Variants in WDR91 observed in about 807,000 individuals in gnomAD.
WDR91 encodes the protein WD repeat-containing protein 91.
Under a neutral mutation model 88.4 loss-of-function variants are expected in WDR91, and 52 were observed. The ratio of observed to expected loss-of-function variants is 0.59; its 90% CI spans 0.47 to 0.74. The LOEUF is 0.74. WDR91 is among the 30% of genes least tolerant of loss of function. The pLI is 0.00. For missense variants in WDR91, 824 were observed against 954.5 expected (o/e 0.86, Z 1.80); for synonymous variants, 362 against 389.5 (o/e 0.93, Z 0.83).
In WDR91 at chr7:135,194,920, C is replaced by T. The variant is rs747391985; in HGVS notation, c.1395+14G>A. 4 of 1,613,518 alleles carry T rather than the reference C, an allele frequency of 2.5e-6. No individual in the cohort carries two copies. The highest frequency in any genetic ancestry group is 1.8e-4 in the Middle Eastern group (1 of 5,702). ...GAGCCAGCAAAGCGGGCCCCACAGG[C>T]CACCATTACTCACCAGTCTGTCCCG... On this transcript the variant is annotated intron_variant, in intron 9 of 14. Transcript: ENST00000354475.
At chr7:135,203,137 A>C (rs1197271755) in intron 6 of WDR91, among the ~76,000 whole-genome samples, 1 of 152,238 alleles carries the variant, frequency 6.6e-6, no homozygotes, top group South Asian at 2.1e-4. Context: ...ACGAGGAGCC[A>C]GAGCTGAAAG....
intron 1 of WDR91, among the ~76,000 whole-genome samples, chr7:135,210,332 AGAGT>A (rs1425714272): frequency 1.3e-5 from 2 of 152,168 alleles, no homozygotes; most frequent in African/African-American, 4.8e-5. Context: ...CCTAAGCGAC[AGAGT>A]GAGACTTTCT....
chr7:135,210,771 T>C, intron 1 of WDR91: 1 of 703,652 alleles, frequency 1.4e-6, no homozygotes, highest in East Asian at 2.7e-5. Context: ...GTTAGCTCAC[T>C]GCCTCTCATT....
rs1831380595 is a variant in WDR91, at chr7:135,196,517, C to A, written c.1051-180G>T. Among the ~76,000 whole-genome samples, 1 of 152,152 alleles carries A rather than the reference C, an allele frequency of 6.6e-6. No individual in the cohort carries two copies. Among genetic ancestry groups the A allele is most frequent in the Non-Finnish European group, 1.5e-5 (1 of 68,024 alleles). On this transcript the variant is annotated intron_variant, in intron 7 of 14. Transcript: ENST00000354475. The surrounding 1 kb of genome is among the most constrained non-coding windows in gnomAD (Gnocchi z 4.2). ...CAGCTCACCCTGGGAGAGTGCAGGG[C>A]CTGCCCTCCTGACAGCCCCTTCCTG... is the stretch of plus-strand genomic sequence containing the variant.
Position 135,195,038 on chromosome 7 carries a change from C to A in WDR91, c.1291G>T (p.Val431Phe). The A allele has an allele frequency of 6.2e-7, 1 of 1,614,088 alleles. No homozygotes were observed. Among genetic ancestry groups the A allele is most frequent in the Non-Finnish European group, 8.5e-7 (1 of 1,180,026 alleles). The change falls in exon 9 of 15, where the codon GTC becomes TTC. Residue 431 changes from valine (V) to phenylalanine (F), a missense_variant. Val to Phe is a conservative substitution (Grantham distance 50). Coordinates refer to ENST00000354475, the MANE Select transcript of WDR91 (RefSeq NM_014149.4). ...GGGTTGAAGGACCACACTTTGATGA[C>A]CCCATCTACGTCTAAGCTGGCGACT... ...RRVASLDVDGVIKVWSFNPIM... is the reference protein window; with the variant it reads ...RRVASLDVDGFIKVWSFNPIM...
At chr7:135,188,646 C>G in intron 12 of WDR91, 101 bp from the exon 13 acceptor site, 1 of 1,079,210 alleles carries the variant, frequency 9.3e-7, no homozygotes, top group Non-Finnish European at 1.4e-6. Flanking sequence ...AGGCTGACAG[C>G]TGTTCTGGAA....
intron 7 of WDR91, chr7:135,197,188 G>A (rs533946334): frequency 6.6e-6 from 1 of 152,368 alleles, no homozygotes; most frequent in East Asian, 1.9e-4. Context: ...CAGACATTAT[G>A]GGGCTCTGGG....
At chr7:135,188,319 A>G in intron 13 of WDR91, 114 bp downstream of exon 13, 1 of 786,260 alleles carries the variant, frequency 1.3e-6, no homozygotes, top group Non-Finnish European at 2.2e-6. Context: ...TACAGATAAC[A>G]AAGCTGCAAA....
At position 135,196,141 on chromosome 7, in the gene WDR91, C is replaced by T. The variant is rs967572209; in HGVS notation, c.1244+3G>A. ...GGTTTCCTTGGCCCCAGGCCCAACCCACCTGCAGTGCATGATGGATGAGTG... is the reference window on the plus strand; with the variant it reads ...GGTTTCCTTGGCCCCAGGCCCAACCTACCTGCAGTGCATGATGGATGAGTG... On this transcript the variant is annotated splice_donor_region_variant and intron_variant, in intron 8 of 14. Coordinates refer to ENST00000354475, the MANE Select transcript of WDR91 (RefSeq NM_014149.4). The surrounding 1 kb of genome is among the most constrained non-coding windows in gnomAD (Gnocchi z 4.2). 1 of 1,519,580 alleles carries T rather than the reference C, an allele frequency of 6.6e-7. No individual in the cohort carries two copies. Among genetic ancestry groups the T allele is most frequent in the African/African-American group, 1.4e-5 (1 of 71,392 alleles). The allele number at this position is 1,519,580 out of a possible 1,614,324, so 94.1% of individuals were successfully genotyped here. A position where few individuals can be genotyped will look rare whatever the true frequency, so the allele number is the denominator to read the frequency against.
rs1585448575 is a variant in WDR91 at position 135,211,452 on chromosome 7, G to A, written c.51C>T (p.Leu17=). The A allele has an allele frequency of 6.2e-7, 1 of 1,612,400 alleles. No homozygotes were observed. ...GCAGTGTGTGCGTGAACCCGCGGAAGAGCAGGTACTCCCGGACCAGCTCGT... is the reference window on the plus strand; with the variant it reads ...GCAGTGTGTGCGTGAACCCGCGGAAAAGCAGGTACTCCCGGACCAGCTCGT... ...RTDELVREYL[L]FRGFTHTLRQ... The change falls in exon 1 of 15, where the codon CTC becomes CTT. Residue 17 remains leucine (L), a synonymous_variant. Transcript: ENST00000354475.
chr7:135,195,359 C>T (rs1831323209), intron 8 of WDR91, among the ~76,000 whole-genome samples: 1 of 152,226 alleles, frequency 6.6e-6, no homozygotes, highest in Non-Finnish European at 1.5e-5. Context: ...GCCCTGAGGC[C>T]ATTTGCAGTC....
intron 6 of WDR91, among the ~76,000 whole-genome samples, chr7:135,202,981 C>T (rs2117694500): frequency 6.6e-6 from 1 of 152,360 alleles, no homozygotes; most frequent in East Asian, 1.9e-4. Context: ...AATACAACTT[C>T]TACTACCAAC....
chr7:135,207,838 A>T (rs1200382064), intron 3 of WDR91, among the ~76,000 whole-genome samples: 1 of 152,358 alleles, frequency 6.6e-6, no homozygotes, highest in East Asian at 1.9e-4. Context: ...ACTAGAGCCC[A>T]TATGTGTGTA....
chr7:135,193,635 T>C lies in WDR91; in HGVS notation c.1433A>G (p.Tyr478Cys), dbSNP rs1831257086. 1 of 1,614,106 alleles carries C rather than the reference T, an allele frequency of 6.2e-7. No homozygotes were observed. The highest frequency in any genetic ancestry group is 8.5e-7 in the Non-Finnish European group (1 of 1,179,996). Reference protein sequence around the residue: ...LGSGVGTVRLYDTEAKKNLCE... With the variant: ...LGSGVGTVRLCDTEAKKNLCE... ...GAGATTCTTCTTGGCTTCCGTGTCA[T>C]AGAGACGCACTGTTCCCACACCACT... The change falls in exon 10 of 15, where the codon TAT (tyrosine) becomes TGT (cysteine). Residue 478 changes from tyrosine (Y) to cysteine (C), a missense_variant. Physicochemically the swap from Tyr to Cys is radical, Grantham distance 194 (BLOSUM62 -2). Coordinates refer to ENST00000354475, the MANE Select transcript of WDR91 (RefSeq NM_014149.4).
intron 6 of WDR91, chr7:135,201,673 TA>T (rs1192760074): frequency 6.6e-6 from 1 of 152,060 alleles, no homozygotes; most frequent in Non-Finnish European, 1.5e-5. Flanking sequence ...TCTTTAACAG[TA>T]AAAAAGAAAG....
chr7:135,200,600 A>G (rs1163099938), intron 6 of WDR91, among the ~76,000 whole-genome samples: 1 of 152,232 alleles, frequency 6.6e-6, no homozygotes, highest in East Asian at 1.9e-4. Flanking sequence ...GGACAGATGA[A>G]ATAACTGTTC....
intron 11 of WDR91, among the ~76,000 whole-genome samples, chr7:135,192,850 C>G (rs772784248): frequency 2.0e-5 from 3 of 152,206 alleles, no homozygotes; most frequent in Non-Finnish European, 4.4e-5. Flanking sequence ...CCCAGGTCCC[C>G]TGGGAGCAAG....
At chr7:135,193,423 C>A in intron 10 of WDR91, 24 bp from the exon 11 acceptor site, 1 of 1,612,470 alleles carries the variant, frequency 6.2e-7, no homozygotes, top group South Asian at 1.1e-5. Context: ...GGGCCTGGGT[C>A]AGACCCTCTG....
chr7:135,208,140 T>A (rs1831871447), intron 3 of WDR91, among the ~76,000 whole-genome samples: 2 of 152,158 alleles, frequency 1.3e-5, no homozygotes, highest in South Asian at 4.1e-4. Context: ...GCCAGCCCCA[T>A]TCAAGCCAGA....
Sources: allele counts gnomAD v4.1 joint callset (sites outside exome capture counted in the v4.1 genomes callset), GRCh38; gene constraint gnomAD v4.1.1; non-coding constraint Gnocchi (gnomAD v3.1); transcripts MANE v1.5; gene names NCBI Gene and HGNC (gene_info 2026-07-23, HGNC 2026-07-21).